ERCC5: variants seen among roughly 807,000 people sequenced by gnomAD.
The protein encoded by ERCC5 is DNA excision repair protein ERCC-5.
A neutral mutation model predicts 105.6 loss-of-function variants in ERCC5; 68 were observed. That is an observed-to-expected ratio of 0.64 (90% CI 0.53 to 0.79). ERCC5 has a LOEUF of 0.79. Among genes scored for constraint, ERCC5 ranks in the 30% least tolerant of loss-of-function variants. The pLI is 0.00. For missense variants in ERCC5, 1,373 were observed against 1,426.7 expected, an observed-to-expected ratio of 0.96 and a Z score of 0.61; for synonymous variants, 546 against 526.2, an observed-to-expected ratio of 1.04 and a Z score of -0.51.
At chr13:102,864,356 T>C (rs1882758165) in intron 8 of ERCC5, among the ~76,000 whole-genome samples, 1 of 152,220 alleles carries the variant, frequency 6.6e-6, no homozygotes, top group Admixed American at 6.5e-5. Context: ...GGTTGCCAAA[T>C]GATGGTTTTT....
At chr13:102,847,886 C>A (rs78555658) in intron 1 of ERCC5, among the ~76,000 whole-genome samples, 3,943 of 152,340 alleles carry the variant, frequency 0.026, 67 homozygotes, top group Non-Finnish European at 0.034. Flanking sequence ...TGTGGCCAGG[C>A]TCAGTGGCTT....
intron 13 of ERCC5, 127 bp from the exon 14 acceptor site, chr13:102,873,131 TA>T: frequency 9.1e-7 from 1 of 1,093,830 alleles, no homozygotes; most frequent in African/African-American, 1.6e-5. Context: ...TTTAGCACTC[TA>T]ATCTTTATAA....
Position 102,862,699 on chromosome 13 carries a change from C to T in ERCC5, c.1550C>T (p.Pro517Leu), listed in dbSNP as rs778390668. ...VVRHSDAPGL[P>L]NGRELTPASP... ...AGACATAGTGACGCACCTGGGCTCCCGAATGGAAGGGAACTGACACCGGCA... is the reference window on the plus strand; with the variant it reads ...AGACATAGTGACGCACCTGGGCTCCTGAATGGAAGGGAACTGACACCGGCA... Residue 517 changes from proline to leucine, a missense_variant, in exon 8 of 15, where the codon CCG (proline) becomes CTG (leucine). Physicochemically the swap from Pro to Leu is moderately conservative, Grantham distance 98 (BLOSUM62 -3). Transcript: ENST00000652225. The T allele has an allele frequency of 1.9e-5, 30 of 1,613,914 alleles. No homozygotes were observed. Among genetic ancestry groups the T allele is most frequent in the Non-Finnish European group, 2.2e-5 (26 of 1,180,016 alleles).
At chr13:102,872,077 A>C in intron 12 of ERCC5, 121 bp from the exon 13 acceptor site, 1 of 1,152,602 alleles carries the variant, frequency 8.7e-7, no homozygotes, top group Non-Finnish European at 1.3e-6. Flanking sequence ...AAAATATTCT[A>C]TATAGCATAC....
chr13:102,868,619 C>T (rs1176833129), intron 12 of ERCC5, among the ~76,000 whole-genome samples: 1 of 152,212 alleles, frequency 6.6e-6, no homozygotes, highest in African/African-American at 2.4e-5. Flanking sequence ...CTCAAGGACT[C>T]CCCCCATATA....
intron 11 of ERCC5, among the ~76,000 whole-genome samples, chr13:102,867,252 A>C (rs957600436): frequency 5.3e-5 from 8 of 152,236 alleles, no homozygotes; most frequent in Non-Finnish European, 8.8e-5. Context: ...AGGAACAGAG[A>C]GTAAAATAGT....
intron 11 of ERCC5, among the ~76,000 whole-genome samples, chr13:102,867,397 G>T (rs1190091161): frequency 6.6e-6 from 1 of 152,242 alleles, no homozygotes. Flanking sequence ...CTGTTTCAGA[G>T]AGTTGTTGGG....
chr13:102,866,555 G>T (rs1469776872), intron 10 of ERCC5, 77 bp from the exon 11 acceptor site: 5 of 1,598,004 alleles, frequency 3.1e-6, no homozygotes, highest in East Asian at 4.5e-5. Context: ...ACATGAAGTG[G>T]TAGGCACTGC....
In ERCC5 at chr13:102,866,808, A is replaced by G; in HGVS notation, c.2496A>G (p.Val832=). 1 of 1,613,570 alleles carries G rather than the reference A, an allele frequency of 6.2e-7. No individual in the cohort carries two copies. ...YRNFFNKNKF[V]EYYQYVDFHN... Reference sequence around the variant, plus strand: ...ACTTTTTTAATAAAAACAAGTTTGTAGAATATTATCAATATGTGGACTTTC... The same window carrying G: ...ACTTTTTTAATAAAAACAAGTTTGTGGAATATTATCAATATGTGGACTTTC... Residue 832 remains valine (V), a synonymous_variant, in exon 11 of 15, where the codon GTA becomes GTG. Transcript: ENST00000652225.
Position 102,862,029 on chromosome 13 carries a change from G to C in ERCC5, c.881-1G>C. On this transcript the variant is annotated splice_acceptor_variant, in intron 7 of 14. Coordinates refer to ENST00000652225, the MANE Select transcript of ERCC5 (RefSeq NM_000123.4). LOFTEE classifies it high-confidence loss of function. ...TGAGAAGTGTTTTAATTCTTCTTAA[G>C]GTATTCAAGCTAAGACAGTTGCAGA... The C allele has an allele frequency of 1.2e-6, 2 of 1,614,164 alleles. No individual in the cohort carries two copies. Among genetic ancestry groups the C allele is most frequent in the Non-Finnish European group, 1.7e-6 (2 of 1,180,026 alleles).
At position 102,865,435 on chromosome 13, in the gene ERCC5, C is replaced by T. The variant is rs574611676; in HGVS notation, c.1955-232C>T. 1.4e-5 allele frequency: 7 copies of T among 504,240 alleles called. No homozygotes were observed. The highest frequency in any genetic ancestry group is 1.3e-4 in the South Asian group (6 of 47,452). The allele number at this position is 504,240 out of a possible 1,614,324, so 31.2% of individuals were successfully genotyped here. On this transcript the variant is annotated intron_variant, in intron 8 of 14. Transcript: ENST00000652225. The surrounding 1 kb of genome is among the most constrained non-coding windows in gnomAD (Gnocchi z 4.0). ...ATACAAATCTTAAGAGAGTTTCCTACTTTCAAAGACAGTGCCAGTTTACCT... is the reference window on the plus strand; with the variant it reads ...ATACAAATCTTAAGAGAGTTTCCTATTTTCAAAGACAGTGCCAGTTTACCT...
chr13:102,863,563 C>A (rs1882725120), intron 8 of ERCC5, among the ~76,000 whole-genome samples: 1 of 151,980 alleles, frequency 6.6e-6, no homozygotes, highest in Non-Finnish European at 1.5e-5. Context: ...TACCATTGAT[C>A]CTCATTATTT....
Position 102,846,326 on chromosome 13 carries a change from A to G in ERCC5, c.60A>G (p.Glu20=), listed in dbSNP as rs1881957836. 1 of 1,614,078 alleles carries G rather than the reference A, an allele frequency of 6.2e-7. No individual in the cohort carries two copies. Among genetic ancestry groups the G allele is most frequent in the East Asian group, 2.2e-5 (1 of 44,868 alleles). ...GCTCCGGGCGGCAGGTCAGCCCCGA[A>G]GCGCTGGAAGGGAAGATCCTGGCTG... ...LECSGRQVSP[E]ALEGKILAVD... The change falls in exon 1 of 15, where the codon GAA becomes GAG. Residue 20 remains glutamate, a synonymous_variant. Coordinates refer to ENST00000652225, the MANE Select transcript of ERCC5 (RefSeq NM_000123.4).
At position 102,854,287 on chromosome 13, in the gene ERCC5, G is replaced by C. The variant is rs775075838; in HGVS notation, c.381-1G>C. 6.2e-7 allele frequency: 1 copy of C among 1,614,154 alleles called. No homozygotes were observed. Among genetic ancestry groups the C allele is most frequent in the South Asian group, 1.1e-5 (1 of 91,084 alleles). The stretch of plus-strand genomic sequence containing the variant: ...TGTTTAAAGATTTGTGTACTTTCCA[G>C]AGATGAAGCACTACCCAGTCTTACC... On this transcript the variant is annotated splice_acceptor_variant, in intron 3 of 14. Coordinates refer to ENST00000652225, the MANE Select transcript of ERCC5 (RefSeq NM_000123.4). LOFTEE classifies it high-confidence loss of function.
intron 5 of ERCC5, 57 bp from the exon 6 acceptor site, chr13:102,858,218 A>C: frequency 1.2e-6 from 2 of 1,608,998 alleles, no homozygotes; most frequent in East Asian, 4.5e-5. Context: ...CTTAATGTTG[A>C]ATAGAACTAA....
At position 102,872,068 on chromosome 13, in the gene ERCC5, A is replaced by C. The variant is rs1883051730; in HGVS notation, c.2679-130A>C. 3.6e-6 allele frequency: 4 copies of C among 1,100,268 alleles called. No homozygotes were observed. In the South Asian group the frequency reaches 4.4e-5, roughly 12 times the overall value. 68.2% of individuals were successfully genotyped at this position (1,100,268 alleles called of 1,614,324 possible). Reference sequence around the variant, plus strand: ...GTGGCTAATAGTACTAAAATTAATAAAATATTCTATATAGCATACAATTTG... The same window carrying C: ...GTGGCTAATAGTACTAAAATTAATACAATATTCTATATAGCATACAATTTG... On this transcript the variant is annotated intron_variant, in intron 12 of 14. Transcript: ENST00000652225.
Position 102,875,834 on chromosome 13 carries a change from C to G in ERCC5, c.3492C>G (p.Thr1164=), listed in dbSNP as rs148782406. 3 of 1,612,910 alleles carry G rather than the reference C, an allele frequency of 1.9e-6. No homozygotes were observed. Among genetic ancestry groups the G allele is most frequent in the Non-Finnish European group, 2.5e-6 (3 of 1,179,944 alleles). Residue 1164 remains threonine, a synonymous_variant, in exon 15 of 15, where the codon ACC becomes ACG. Transcript: ENST00000652225. The part of the protein sequence containing the change: ...DGGKEKMVLV[T]ARSVFGKKRR... ...GGAAAGAGAAGATGGTCCTCGTGAC[C>G]GCCAGATCTGTGTTTGGGAAGAAAA...
At chr13:102,860,924 T>C (rs183071008) in intron 6 of ERCC5, among the ~76,000 whole-genome samples, 2 of 152,310 alleles carry the variant, frequency 1.3e-5, no homozygotes, top group East Asian at 3.9e-4. Flanking sequence ...TAGTGACTGC[T>C]ATGCATTACA....
rs760722074 is a variant in ERCC5 at position 102,862,053 on chromosome 13, G to A, written c.904G>A (p.Glu302Lys). The change falls in exon 8 of 15, where the codon GAA becomes AAA. Residue 302 changes from glutamate to lysine, a missense_variant. Physicochemically the swap from Glu to Lys is moderately conservative, Grantham distance 56. Coordinates refer to ENST00000652225, the MANE Select transcript of ERCC5 (RefSeq NM_000123.4). Reference sequence around the variant, plus strand: ...AGGTATTCAAGCTAAGACAGTTGCAGAAGTGGATTCAGAGTCTCTTCCTTC... The same window carrying A: ...AGGTATTCAAGCTAAGACAGTTGCAAAAGTGGATTCAGAGTCTCTTCCTTC... ...IKGIQAKTVA[E>K]VDSESLPSSS... 6.2e-7 allele frequency: 1 copy of A among 1,614,232 alleles called. No homozygotes were observed. The highest frequency in any genetic ancestry group is 1.1e-5 in the South Asian group (1 of 91,084).
Sources: allele counts gnomAD v4.1 joint callset (sites outside exome capture counted in the v4.1 genomes callset), GRCh38; gene constraint gnomAD v4.1.1; non-coding constraint Gnocchi (gnomAD v3.1); transcripts MANE v1.5; gene names NCBI Gene and HGNC (gene_info 2026-07-23, HGNC 2026-07-21).